The following PKD2L2 variants were observed in gnomAD, a reference collection of about 807,000 sequenced individuals.
PKD2L2 encodes polycystin 2 like 2, transient receptor potential cation channel, also known as polycystin-2-like protein 2.
PKD2L2 carries 67 observed loss-of-function variants against 83.9 expected under a neutral mutation model. The ratio of observed to expected loss-of-function variants is 0.80; its 90% confidence interval spans 0.66 to 0.98. The LOEUF (loss-of-function observed/expected upper bound fraction) is 0.98, where lower values mean the gene tolerates loss of function less well. Ranked by LOEUF, PKD2L2 falls within the 50% of genes least tolerant of loss-of-function variation. The probability of loss-of-function intolerance (pLI) is 0.00; values close to 1 mark genes in which losing one functional copy is unlikely to be tolerated. For synonymous variants in PKD2L2, 223 were observed against 237.8 expected (o/e 0.94, Z 0.57); for missense variants, 632 against 717.2 (o/e 0.88, Z 1.36).
At chr5:137,929,874 A>G (rs1051530874) in intron 12 of PKD2L2, among the ~76,000 whole-genome samples, 1 of 152,176 alleles carries the variant, frequency 6.6e-6, no homozygotes, top group Non-Finnish European at 1.5e-5. Context: ...AAAGACCTAA[A>G]AGGCAAACAA....
intron 14 of PKD2L2, chr5:137,940,231 G>A (rs780017646): frequency 1.4e-5 from 23 of 1,613,702 alleles, no homozygotes; most frequent in Non-Finnish European, 2.5e-6. Flanking sequence ...TATCTTATAT[G>A]GATTTTGAAG....
chr5:137,920,013 C>A (rs1416410877), intron 8 of PKD2L2, among the ~76,000 whole-genome samples: 1 of 152,114 alleles, frequency 6.6e-6, no homozygotes, highest in Non-Finnish European at 1.5e-5. Flanking sequence ...ACCTGGTCAA[C>A]GTGGTGAAAT....
chr5:137,901,766 G>C (rs894646790), intron 5 of PKD2L2, among the ~76,000 whole-genome samples: 1 of 152,136 alleles, frequency 6.6e-6, no homozygotes, highest in African/African-American at 2.4e-5. Context: ...ATAACACACA[G>C]TACTCTTTAG....
intron 12 of PKD2L2, among the ~76,000 whole-genome samples, chr5:137,930,126 TAATA>T (rs578076413): frequency 2.0e-5 from 3 of 151,774 alleles, no homozygotes; most frequent in Non-Finnish European, 2.9e-5. Flanking sequence ...CAAAACAATA[TAATA>T]AATAAGATGA....
At chr5:137,936,208 G>C in intron 13 of PKD2L2, 112 bp from the exon 14 acceptor site, 2 of 933,510 alleles carry the variant, frequency 2.1e-6, no homozygotes, top group Non-Finnish European at 3.2e-6. Flanking sequence ...CAAGAGGCAT[G>C]TTTTAGGAGC....
chr5:137,940,072 A>G (rs1338290323), intron 14 of PKD2L2: 2 of 1,614,102 alleles, frequency 1.2e-6, no homozygotes, highest in Non-Finnish European at 1.7e-6. Context: ...TTACTCTCCC[A>G]TCATTTGTTT....
chr5:137,899,368 C>T (rs1365474540), intron 4 of PKD2L2, 148 bp from the exon 5 acceptor site: 11 of 604,506 alleles, frequency 1.8e-5, no homozygotes, highest in Non-Finnish European at 2.7e-5. Context: ...CCGCCTACCT[C>T]GGCCTCCCAA....
Position 137,908,781 on chromosome 5 carries a change from G to C in PKD2L2, c.1163G>C (p.Ser388Thr). The change falls in exon 8 of 15, where the codon AGC becomes ACC. Residue 388 changes from serine (S) to threonine (T), a missense_variant. By Grantham distance (58) the Ser-to-Thr change is moderately conservative. Transcript: ENST00000508883. ...CTTTTTCAGATATTCAAATTCATAA[G>C]CTTTAACAAGACAATGTCTCAGCTG... ...FAWIKIFKFI[S>T]FNKTMSQLSS... 3.2e-6 allele frequency: 5 copies of C among 1,550,368 alleles called. No homozygotes were observed. The highest frequency in any genetic ancestry group is 4.4e-6 in the Non-Finnish European group (5 of 1,140,058).
At chr5:137,890,261 G>A (rs1035211215) in intron 1 of PKD2L2, 4 of 358,634 alleles carry the variant, frequency 1.1e-5, no homozygotes, top group East Asian at 5.4e-5. Flanking sequence ...CCAGCCTGGC[G>A]ACAGAGCTAG....
intron 4 of PKD2L2, among the ~76,000 whole-genome samples, chr5:137,895,428 C>T (rs530780659): frequency 1.3e-4 from 19 of 145,596 alleles, no homozygotes; most frequent in Non-Finnish European, 6.0e-5. Context: ...GCTATGATCA[C>T]ACCACTGCAC....
At chr5:137,908,709 C>A in intron 7 of PKD2L2, 56 bp from the exon 8 acceptor site, 2 of 807,792 alleles carry the variant, frequency 2.5e-6, no homozygotes, top group South Asian at 2.0e-5. Context: ...TTAATTTATT[C>A]TAAGTAATTT....
chr5:137,926,455 T>C (rs1759384707), intron 12 of PKD2L2, among the ~76,000 whole-genome samples: 1 of 152,118 alleles, frequency 6.6e-6, no homozygotes, highest in Non-Finnish European at 1.5e-5. Context: ...CAGGAGACTG[T>C]AATAAGCAAG....
chr5:137,929,533 C>A (rs1190877711), intron 12 of PKD2L2, among the ~76,000 whole-genome samples: 4 of 1,386 alleles, frequency 2.9e-3, no homozygotes, highest in Non-Finnish European at 5.8e-3. Flanking sequence ...GACAAAATTG[C>A]CAAAAAAAAA....
At chr5:137,922,709 GC>G (rs1759024061) in intron 9 of PKD2L2, among the ~76,000 whole-genome samples, 1 of 152,280 alleles carries the variant, frequency 6.6e-6, no homozygotes, top group South Asian at 2.1e-4. Context: ...CTGCACTCCA[GC>G]CTGGGCAACA....
At chr5:137,889,596 C>T (rs758996538) in intron 1 of PKD2L2, 74 bp downstream of exon 1, 5 of 1,331,382 alleles carry the variant, frequency 3.8e-6, no homozygotes, top group Non-Finnish European at 5.0e-6. Context: ...AGGAACTCTG[C>T]GGCCCCAAAT....
At chr5:137,905,365 T>G (rs1757283552) in intron 5 of PKD2L2, among the ~76,000 whole-genome samples, 1 of 152,320 alleles carries the variant, frequency 6.6e-6, no homozygotes, top group South Asian at 2.1e-4. Context: ...AGTCTACACT[T>G]CAGATCATAA....
At chr5:137,912,632 G>A (rs978856544) in intron 8 of PKD2L2, among the ~76,000 whole-genome samples, 2 of 152,026 alleles carry the variant, frequency 1.3e-5, no homozygotes, top group Non-Finnish European at 2.9e-5. Context: ...CTCCCAAAGT[G>A]CTGGGATTAC....
intron 8 of PKD2L2, among the ~76,000 whole-genome samples, chr5:137,910,789 G>GAA (rs1317585981): frequency 1.6e-5 from 1 of 62,822 alleles, no homozygotes; most frequent in Admixed American, 1.9e-4. Context: ...AAAAAAAAAA[G>GAA]AAAAACAAAA....
chr5:137,896,250 T>C (rs765460323), intron 4 of PKD2L2, among the ~76,000 whole-genome samples: 2 of 152,136 alleles, frequency 1.3e-5, no homozygotes, highest in Non-Finnish European at 2.9e-5. Context: ...GATACAAATA[T>C]CTACAAAGGC....
Sources: allele counts gnomAD v4.1 joint callset (sites outside exome capture counted in the v4.1 genomes callset), GRCh38; gene constraint gnomAD v4.1.1; transcripts MANE v1.5; gene names NCBI Gene and HGNC (gene_info 2026-07-23, HGNC 2026-07-21).